The following GABRG3 variants were observed in gnomAD, a reference collection of about 807,000 sequenced individuals.
GABRG3 encodes gamma-aminobutyric acid receptor subunit gamma-3.
A neutral mutation model predicts 48.8 loss-of-function variants in GABRG3; 25 were observed. The ratio of observed to expected loss-of-function variants is 0.51; its 90% CI spans 0.37 to 0.72. The LOEUF is 0.72. Among genes scored for constraint, GABRG3 ranks in the 30% least tolerant of loss-of-function variants. GABRG3 has a pLI of 0.00. For synonymous variants in GABRG3, 227 were observed against 217.6 expected (o/e 1.04, Z -0.38); for missense variants, 394 against 577.9 (o/e 0.68, Z 3.26).
At chr15:27,403,904 CA>C (rs1244077952) in intron 5 of GABRG3, among the ~76,000 whole-genome samples, 2 of 39,200 alleles carry the variant, frequency 5.1e-5, no homozygotes, top group East Asian at 1.1e-3. Flanking sequence ...AAGCCAGACT[CA>C]AAAAAAAACA....
rs1475689849 is a variant in GABRG3 at position 27,537,722 on chromosome 15, T to C, written c.*4841T>C. 1 of 152,142 alleles carries C rather than the reference T, an allele frequency of 6.6e-6. No individual in the cohort carries two copies. The allele number at this position is 152,142 out of a possible 1,614,324, so 9.4% of individuals were successfully genotyped here. A position where few individuals can be genotyped will look rare whatever the true frequency, so the allele number is the denominator to read the frequency against. On this transcript the variant is annotated 3_prime_UTR_variant, in exon 10 of 10. Coordinates refer to ENST00000615808, the MANE Select transcript of GABRG3 (RefSeq NM_033223.5). Reference sequence around the variant, plus strand: ...GGCATTTTCTTTCCTCCTTTTAAAATTTCTACTGATTACAAGCTAGCAATT... The same window carrying C: ...GGCATTTTCTTTCCTCCTTTTAAAACTTCTACTGATTACAAGCTAGCAATT...
At chr15:27,014,331 A>G (rs879403701) in intron 2 of GABRG3, among the ~76,000 whole-genome samples, 2 of 148,274 alleles carry the variant, frequency 1.3e-5, no homozygotes, top group East Asian at 2.0e-4. Flanking sequence ...TGCTTTCTTC[A>G]GCTACATTTC....
At position 27,386,134 on chromosome 15, in the gene GABRG3, C is replaced by G. The variant is rs1895914095; in HGVS notation, c.574+57246C>G. Reference sequence around the variant, plus strand: ...CGTCTTCTCTCTCTCTCTTTGTTTTCCTGGTGTTTTCTATCTTTTTAAGTC... The same window carrying G: ...CGTCTTCTCTCTCTCTCTTTGTTTTGCTGGTGTTTTCTATCTTTTTAAGTC... On this transcript the variant is annotated intron_variant, in intron 5 of 9. Transcript: ENST00000615808. Among the ~76,000 whole-genome samples, 3 of 151,956 alleles carry G rather than the reference C, an allele frequency of 2.0e-5. No individual in the cohort carries two copies. The South Asian group carries it at 6.2e-4, about 32-fold the overall frequency.
chr15:27,118,193 C>T (rs1166352709), intron 3 of GABRG3, among the ~76,000 whole-genome samples: 1 of 152,114 alleles, frequency 6.6e-6, no homozygotes, highest in Non-Finnish European at 1.5e-5. Context: ...TGGTGGAATT[C>T]TCCAGATGAC....
At chr15:27,382,787 C>G (rs1222406931) in intron 5 of GABRG3, among the ~76,000 whole-genome samples, 2 of 151,708 alleles carry the variant, frequency 1.3e-5, no homozygotes, top group Non-Finnish European at 2.9e-5. Context: ...AGAGAGGAGT[C>G]ATAGTATCAA....
chr15:27,411,292 G>A (rs1233412924), intron 5 of GABRG3, among the ~76,000 whole-genome samples: 1 of 152,006 alleles, frequency 6.6e-6, no homozygotes, highest in African/African-American at 2.4e-5. Flanking sequence ...TATGAATGAG[G>A]TTTTCTGACA....
intron 3 of GABRG3, among the ~76,000 whole-genome samples, chr15:27,286,316 A>G (rs1394486284): frequency 6.6e-6 from 1 of 152,208 alleles, no homozygotes; most frequent in African/African-American, 2.4e-5. Flanking sequence ...ATGATGGTTC[A>G]GTTTGGAAGG....
At chr15:27,001,206 G>T (rs1313037054) in intron 2 of GABRG3, among the ~76,000 whole-genome samples, 1 of 152,220 alleles carries the variant, frequency 6.6e-6, no homozygotes, top group African/African-American at 2.4e-5. Context: ...CATATAGTTT[G>T]TCTGATTTTT....
At chr15:26,987,514 G>A (rs1895174015) in intron 2 of GABRG3, among the ~76,000 whole-genome samples, 1 of 152,024 alleles carries the variant, frequency 6.6e-6, no homozygotes. Flanking sequence ...CAATGTAAAC[G>A]CAAGATCATA....
chr15:27,195,343 C>T (rs904068212), intron 3 of GABRG3, among the ~76,000 whole-genome samples: 2 of 152,066 alleles, frequency 1.3e-5, no homozygotes, highest in African/African-American at 4.8e-5. Flanking sequence ...CTCTCTTTCT[C>T]TCTGTCTGTC....
At position 26,974,019 on chromosome 15, in the gene GABRG3, G is replaced by T. The variant is rs1429403552; in HGVS notation, c.53+2431G>T. Among the ~76,000 whole-genome samples the T allele has an allele frequency of 3.9e-5, 6 of 152,270 alleles. No individual in the cohort carries two copies. In the East Asian group the frequency reaches 1.2e-3, roughly 29 times the overall value. On this transcript the variant is annotated intron_variant, in intron 1 of 9. Transcript: ENST00000615808. The surrounding 1 kb of genome is among the most constrained non-coding windows in gnomAD (Gnocchi z 4.3). Reference sequence around the variant, plus strand: ...TCCCCTGAGATGAGATTTCATTTTTGTCAAAGCAAGGATTTTCCTGTGGGC... The same window carrying T: ...TCCCCTGAGATGAGATTTCATTTTTTTCAAAGCAAGGATTTTCCTGTGGGC...
intron 6 of GABRG3, among the ~76,000 whole-genome samples, chr15:27,493,407 G>A (rs1282910540): frequency 1.3e-5 from 2 of 152,050 alleles, no homozygotes; most frequent in Non-Finnish European, 1.5e-5. Flanking sequence ...AATTCACACA[G>A]AGAGATTCAT....
rs562299109 is a variant in GABRG3 at position 27,297,570 on chromosome 15, A to G, written c.271-29239A>G. 2.9e-4 allele frequency among the ~76,000 whole-genome samples: 40 copies of G among 137,560 alleles called. No homozygotes were observed. In the South Asian group the frequency reaches 8.5e-3, roughly 29 times the overall value. The allele number at this position is 137,560 out of a possible 152,430, so 90.2% of individuals were successfully genotyped here. On this transcript the variant is annotated intron_variant, in intron 3 of 9. Coordinates refer to ENST00000615808, the MANE Select transcript of GABRG3 (RefSeq NM_033223.5). ...ACAGGAACATGCAATGCAAGTTTGT[A>G]AGCTAGGAGCAACAGGCTATACCAC... is the stretch of plus-strand genomic sequence containing the variant.
intron 5 of GABRG3, among the ~76,000 whole-genome samples, chr15:27,437,481 T>C (rs1217735936): frequency 6.6e-6 from 1 of 152,232 alleles, no homozygotes; most frequent in Non-Finnish European, 1.5e-5. Flanking sequence ...AGATTCCCTC[T>C]ACTCCTTGTC....
At chr15:27,407,120 T>C (rs989771886) in intron 5 of GABRG3, among the ~76,000 whole-genome samples, 1 of 151,978 alleles carries the variant, frequency 6.6e-6, no homozygotes, top group Non-Finnish European at 1.5e-5. Context: ...AGGGACAGGG[T>C]TTCACCATGT....
intron 3 of GABRG3, among the ~76,000 whole-genome samples, chr15:27,159,293 C>T (rs1898514009): frequency 6.6e-6 from 1 of 152,032 alleles, no homozygotes; most frequent in Non-Finnish European, 1.5e-5. Context: ...ACCAATCTGA[C>T]CAACATGGCA....
intron 5 of GABRG3, among the ~76,000 whole-genome samples, chr15:27,461,613 C>A (rs1889450622): frequency 6.6e-6 from 1 of 152,198 alleles, no homozygotes; most frequent in African/African-American, 2.4e-5. Flanking sequence ...TTTGGCCCCA[C>A]TCATATCCTG....
intron 3 of GABRG3, among the ~76,000 whole-genome samples, chr15:27,091,719 A>G (rs1417887513): frequency 2.0e-5 from 3 of 152,204 alleles, no homozygotes; most frequent in Admixed American, 2.0e-4. Context: ...AACCCCTGTC[A>G]GGTCAAAACC....
intron 5 of GABRG3, among the ~76,000 whole-genome samples, chr15:27,443,916 C>G (rs1309611961): frequency 1.3e-5 from 2 of 152,166 alleles, no homozygotes; most frequent in Non-Finnish European, 1.5e-5. Context: ...ACTGTTTTCT[C>G]TTTTACTCTG....
Sources: gnomAD v4.1 joint callset for allele counts (sites outside exome capture counted in the v4.1 genomes callset) on GRCh38, gnomAD v4.1.1 for gene constraint, Gnocchi (gnomAD v3.1) non-coding constraint, MANE v1.5 for transcripts, NCBI Gene and HGNC (gene_info 2026-07-23, HGNC 2026-07-21) for gene names.